PCDHGA2: variants seen among roughly 807,000 people sequenced by gnomAD.
PCDHGA2 encodes protocadherin gamma subfamily A, 2.
PCDHGA2 carries 40 observed loss-of-function variants against 59.2 expected under a neutral mutation model. That is an observed-to-expected ratio of 0.68 (90% CI 0.52 to 0.88). PCDHGA2 has a LOEUF of 0.88. Ranked by LOEUF, PCDHGA2 falls within the 40% of genes least tolerant of loss-of-function variation. The probability of loss-of-function intolerance (pLI) is 0.00; values close to 1 mark genes in which losing one functional copy is unlikely to be tolerated. For missense variants in PCDHGA2, 1,226 were observed against 1,204.0 expected (o/e 1.02, Z -0.27); for synonymous variants, 560 against 526.0 (o/e 1.06, Z -0.89).
intron 1 of PCDHGA2, chr5:141,393,689 C>G (rs2150535299): frequency 6.2e-7 from 1 of 1,613,890 alleles, no homozygotes; most frequent in Middle Eastern, 1.7e-4. Context: ...CTCCGTTATT[C>G]CAGCTTAATG....
chr5:141,376,427 C>T (rs1772674192), intron 1 of PCDHGA2: 1 of 1,614,104 alleles, frequency 6.2e-7, no homozygotes, highest in Non-Finnish European at 8.5e-7. Context: ...GCTTATCAAC[C>T]AGGAGAGCTA....
At chr5:141,365,169 CT>C in intron 1 of PCDHGA2, 1 of 1,613,926 alleles carries the variant, frequency 6.2e-7, no homozygotes, top group East Asian at 2.2e-5. Context: ...TTGACCTACT[CT>C]TTTCGCAATG....
chr5:141,422,959 C>T, intron 1 of PCDHGA2: 5 of 1,614,234 alleles, frequency 3.1e-6, no homozygotes, highest in African/African-American at 1.3e-5. Flanking sequence ...TGGCGTGGAG[C>T]TGGCGCCCCG....
At chr5:141,360,581 G>T in intron 1 of PCDHGA2, 1 of 1,613,946 alleles carries the variant, frequency 6.2e-7, no homozygotes, top group Non-Finnish European at 8.5e-7. Flanking sequence ...ACTAAGCCAG[G>T]TACAACATTT....
chr5:141,498,786 A>T (rs2099785591), intron 2 of PCDHGA2, among the ~76,000 whole-genome samples: 1 of 152,050 alleles, frequency 6.6e-6, no homozygotes, highest in East Asian at 1.9e-4. Context: ...ACAAAATATT[A>T]GCCAGGTGTG....
chr5:141,421,064 G>A (rs2096543646), intron 1 of PCDHGA2: 2 of 593,294 alleles, frequency 3.4e-6, no homozygotes, highest in Non-Finnish European at 5.7e-6. Context: ...ACACAAAGCG[G>A]AATGAGATGG....
At chr5:141,394,693 G>A (rs1310404999) in intron 1 of PCDHGA2, 33 of 1,612,890 alleles carry the variant, frequency 2.0e-5, no homozygotes, top group Non-Finnish European at 2.8e-5. Context: ...GGCGAGGTGC[G>A]CACGGCGCGA....
chr5:141,402,871 A>G, intron 1 of PCDHGA2: 1 of 1,452,626 alleles, frequency 6.9e-7, no homozygotes, highest in Non-Finnish European at 9.1e-7. Context: ...AAAGATCACC[A>G]TACTTTGCAG....
intron 1 of PCDHGA2, among the ~76,000 whole-genome samples, chr5:141,492,824 C>T (rs1027583244): frequency 4.6e-5 from 7 of 152,236 alleles, no homozygotes. Context: ...ACCAGCGGCC[C>T]CTTCCTCCCG....
At chr5:141,363,723 G>T (rs1763043786) in intron 1 of PCDHGA2, among the ~76,000 whole-genome samples, 1 of 152,212 alleles carries the variant, frequency 6.6e-6, no homozygotes, top group African/African-American at 2.4e-5. Context: ...AAGGTGCATG[G>T]AGAACTGGGT....
chr5:141,404,741 G>C, intron 1 of PCDHGA2: 1 of 1,614,072 alleles, frequency 6.2e-7, no homozygotes, highest in South Asian at 1.1e-5. Context: ...AGTGGACAGA[G>C]ACTCAGGCCA....
chr5:141,361,230 G>A, intron 1 of PCDHGA2: 1 of 1,613,982 alleles, frequency 6.2e-7, no homozygotes, highest in Non-Finnish European at 8.5e-7. Flanking sequence ...CAGGAACAGT[G>A]ATCGCCTTGA....
chr5:141,393,720 A>G (rs371093729), intron 1 of PCDHGA2: 2 of 1,613,770 alleles, frequency 1.2e-6, no homozygotes, highest in African/African-American at 1.3e-5. Context: ...GGAAATATCA[A>G]TAGCAAAAAG....
chr5:141,430,809 G>A (rs949727881), intron 1 of PCDHGA2: 5 of 1,527,014 alleles, frequency 3.3e-6, no homozygotes, highest in Non-Finnish European at 4.4e-6. Context: ...GTCCTGCTGG[G>A]AATCCTCCTG....
intron 1 of PCDHGA2, among the ~76,000 whole-genome samples, chr5:141,405,806 C>T (rs2094720612): frequency 6.8e-6 from 1 of 146,048 alleles, no homozygotes. Context: ...TTAGCTTTCT[C>T]TTTAACTGTC....
chr5:141,351,705 G>C, intron 1 of PCDHGA2: 1 of 1,613,928 alleles, frequency 6.2e-7, no homozygotes, highest in Non-Finnish European at 8.5e-7. Flanking sequence ...CCCAACGGCA[G>C]AGTCTCCTAC....
intron 1 of PCDHGA2, chr5:141,415,066 C>T (rs777981621): frequency 1.4e-5 from 23 of 1,613,410 alleles, no homozygotes; most frequent in Non-Finnish European, 1.9e-5. Flanking sequence ...GGGCGAGGTG[C>T]GCACGGCGCG....
chr5:141,422,447 C>G, intron 1 of PCDHGA2: 2 of 1,610,922 alleles, frequency 1.2e-6, no homozygotes, highest in Non-Finnish European at 1.7e-6. Flanking sequence ...AAATTGATAA[C>G]AAGCAGAGTG....
At position 141,489,072 on chromosome 5, in the gene PCDHGA2, A is replaced by AC; in HGVS notation, c.2425-5730dup. The AC allele has an allele frequency of 1.3e-5, 2 of 157,710 alleles. No homozygotes were observed. Among genetic ancestry groups the AC allele is most frequent in the Non-Finnish European group, 1.2e-5 (1 of 83,996 alleles). 9.8% of individuals were successfully genotyped at this position (157,710 alleles called of 1,614,324 possible). A position where few individuals can be genotyped will look rare whatever the true frequency, so the allele number is the denominator to read the frequency against. On this transcript the variant is annotated intron_variant, in intron 1 of 3. Transcript: ENST00000394576. This position sits in a 1 kb window ranked among gnomAD's most constrained non-coding sequence, Gnocchi z 4.5. The stretch of plus-strand genomic sequence containing the variant: ...AATTCAGCTCCCCTCCCCCCTGCCC[A>AC]CCCCCGCCACTCGGTGACTAAGAAC...
Sources: allele counts gnomAD v4.1 joint callset (sites outside exome capture counted in the v4.1 genomes callset), GRCh38; gene constraint gnomAD v4.1.1; non-coding constraint Gnocchi (gnomAD v3.1); transcripts MANE v1.5; gene names NCBI Gene and HGNC (gene_info 2026-07-23, HGNC 2026-07-21).